The following DMD variants were observed in gnomAD, a reference collection of about 807,000 sequenced individuals.
DMD encodes dystrophin, also known as mutant dystrophin.
Under a neutral mutation model 330.1 loss-of-function variants are expected in DMD, and 63 were observed. The ratio of observed to expected loss-of-function variants is 0.19; its 90% CI spans 0.16 to 0.24. The LOEUF (loss-of-function observed/expected upper bound fraction) is 0.24, where lower values mean the gene tolerates loss of function less well. Ranked by LOEUF, DMD falls within the 10% of genes least tolerant of loss-of-function variation. The pLI is 1.00. For synonymous variants in DMD, 1,223 were observed against 959.8 expected (o/e 1.27, Z -5.07); for missense variants, 3,344 against 2,684.1 (o/e 1.25, Z -5.43).
At chrX:32,512,762 C>A (rs762617253) in intron 18 of DMD, among the ~76,000 whole-genome samples, 1 of 112,079 alleles carries the variant, frequency 8.9e-6, no homozygotes. Context: ...CACGCTGCAA[C>A]GAGAGAGACA....
chrX:33,038,607 G>C lies in DMD; in HGVS notation c.32-18407C>G, dbSNP rs757462317. Among the ~76,000 whole-genome samples, 257 of 112,094 alleles carry C rather than the reference G, an allele frequency of 2.3e-3. 1 individual carries two copies. The highest frequency in any genetic ancestry group is 1.4e-3 in the Non-Finnish European group (73 of 53,252). ...ACCTGCCTCGATGTGTTCAAACTTT[G>C]TGTGAGAGCATTTTTGAAGGAATGT... On this transcript the variant is annotated intron_variant, in intron 1 of 78. Transcript: ENST00000357033.
At chrX:33,033,521 A>C (rs190938296) in intron 1 of DMD, among the ~76,000 whole-genome samples, 71 of 101,361 alleles carry the variant, frequency 7.0e-4, no homozygotes, top group Non-Finnish European at 1.1e-3. Flanking sequence ...CCCTCCTGGC[A>C]AACACGGTGA....
chrX:32,405,056 T>C lies in DMD; in HGVS notation c.4233+6696A>G, dbSNP rs189025224. Reference sequence around the variant, plus strand: ...GTTGACACAGTCATAGAAGAGAATCTTTATAGAAGAGTGATAGAAAATGTC... The same window carrying C: ...GTTGACACAGTCATAGAAGAGAATCCTTATAGAAGAGTGATAGAAAATGTC... On this transcript the variant is annotated intron_variant, in intron 30 of 78. Coordinates refer to ENST00000357033, the MANE Select transcript of DMD (RefSeq NM_004006.3). Among the ~76,000 whole-genome samples, 9 of 111,829 alleles carry C rather than the reference T, an allele frequency of 8.0e-5. No homozygotes were observed. The East Asian group carries it at 2.3e-3, about 28-fold the overall frequency.
chrX:31,458,496 G>A (rs976993884), intron 59 of DMD, among the ~76,000 whole-genome samples: 2 of 81,351 alleles, frequency 2.5e-5, no homozygotes, highest in African/African-American at 5.1e-5. Context: ...TCTAAACAAC[G>A]TTCTCAGATG....
intron 30 of DMD, among the ~76,000 whole-genome samples, chrX:32,407,052 G>A (rs1392785142): frequency 9.0e-6 from 1 of 111,184 alleles, no homozygotes; most frequent in Non-Finnish European, 1.9e-5. Flanking sequence ...TACCATTCAG[G>A]ACATAGGCAC....
chrX:31,513,374 T>G (rs1210626659), intron 55 of DMD, among the ~76,000 whole-genome samples: 2 of 108,629 alleles, frequency 1.8e-5, no homozygotes, highest in Non-Finnish European at 3.8e-5. Context: ...AACACTATGT[T>G]GAATAGGAGT....
chrX:32,595,610 TC>T, intron 13 of DMD, 146 bp downstream of exon 13: 1 of 548,502 alleles, frequency 1.8e-6, no homozygotes, highest in Non-Finnish European at 3.0e-6. Flanking sequence ...TCACAGCACT[TC>T]AGCTGATTAT....
chrX:31,741,253 T>C (rs2087315112), intron 51 of DMD, among the ~76,000 whole-genome samples: 1 of 112,021 alleles, frequency 8.9e-6, no homozygotes, highest in Non-Finnish European at 1.9e-5. Context: ...CCTGATAATG[T>C]TGATATTTTG....
chrX:32,568,641 T>A (rs1163626641), intron 15 of DMD, among the ~76,000 whole-genome samples: 1 of 111,952 alleles, frequency 8.9e-6, no homozygotes, highest in East Asian at 2.8e-4. Context: ...GAACCCAGAC[T>A]TATACCTAGT....
chrX:32,212,328 T>C (rs1229560017), intron 44 of DMD, among the ~76,000 whole-genome samples: 1 of 111,772 alleles, frequency 8.9e-6, no homozygotes, highest in Non-Finnish European at 1.9e-5. Context: ...GAGACGATAA[T>C]TCAGTAAATA....
intron 43 of DMD, among the ~76,000 whole-genome samples, chrX:32,227,070 T>C (rs1342095784): frequency 9.4e-6 from 1 of 106,131 alleles, no homozygotes; most frequent in Admixed American, 1.0e-4. Flanking sequence ...TCTTTTAAGG[T>C]GAGTGTTTTA....
intron 51 of DMD, among the ~76,000 whole-genome samples, chrX:31,740,984 T>C (rs2087289084): frequency 8.9e-6 from 1 of 112,120 alleles, no homozygotes. Context: ...TCCTTTGTTG[T>C]CATTTCAACA....
chrX:32,063,058 C>T (rs1030345861), intron 44 of DMD, among the ~76,000 whole-genome samples: 2 of 110,853 alleles, frequency 1.8e-5, no homozygotes, highest in African/African-American at 6.5e-5. Flanking sequence ...AAGTATTCAA[C>T]ATTCAATTAA....
chrX:32,554,267 C>T (rs1290081312), intron 16 of DMD, among the ~76,000 whole-genome samples: 2 of 111,181 alleles, frequency 1.8e-5, no homozygotes, highest in Non-Finnish European at 3.8e-5. Flanking sequence ...AAGATCAGAG[C>T]TGAACTGAAG....
At chrX:32,805,545 A>G (rs1468960431) in intron 7 of DMD, among the ~76,000 whole-genome samples, 2 of 112,073 alleles carry the variant, frequency 1.8e-5, no homozygotes, top group Non-Finnish European at 3.8e-5. Flanking sequence ...TTCCCAAACT[A>G]GCAAGACAGC....
chrX:32,899,673 C>CA (rs755390925), intron 2 of DMD, among the ~76,000 whole-genome samples: 6,604 of 42,194 alleles, frequency 0.16, 291 homozygotes, highest in East Asian at 0.24. Context: ...GACTCCGTCT[C>CA]AAAAAAAAAA....
chrX:32,157,805 C>A (rs979488889), intron 44 of DMD, among the ~76,000 whole-genome samples: 34 of 111,992 alleles, frequency 3.0e-4, no homozygotes, highest in African/African-American at 1.0e-3. Flanking sequence ...GTGTGGTCTG[C>A]ATCATGGAGG....
chrX:32,338,487 T>C (rs1225287679), intron 41 of DMD, among the ~76,000 whole-genome samples: 1 of 111,535 alleles, frequency 9.0e-6, no homozygotes, highest in Non-Finnish European at 1.9e-5. Flanking sequence ...TCACTTTATA[T>C]AATGGCCTAT....
intron 9 of DMD, among the ~76,000 whole-genome samples, chrX:32,691,302 T>A (rs1386264347): frequency 6.7e-5 from 7 of 105,177 alleles, no homozygotes; most frequent in Non-Finnish European, 1.3e-4. Context: ...ATATAAAGAA[T>A]TCCTACAACT....
Sources: gnomAD v4.1 joint callset for allele counts (sites outside exome capture counted in the v4.1 genomes callset) on GRCh38, gnomAD v4.1.1 for gene constraint, MANE v1.5 for transcripts, NCBI Gene and HGNC (gene_info 2026-07-23, HGNC 2026-07-21) for gene names.